ZNF410: variants seen among roughly 807,000 people sequenced by gnomAD.
ZNF410 encodes the protein another partner for ARF 1.
In ZNF410, 18 loss-of-function variants were observed where a neutral mutation model predicts 54.8. The observed-to-expected ratio is 0.33, with a 90% CI of 0.23 to 0.49. The LOEUF (loss-of-function observed/expected upper bound fraction) is 0.49, where lower values mean the gene tolerates loss of function less well. ZNF410 is among the 20% of genes least tolerant of loss of function. The pLI is 0.99. For synonymous variants in ZNF410, 191 were observed against 207.3 expected, an observed-to-expected ratio of 0.92 and a Z score of 0.68; for missense variants, 405 against 569.6, an observed-to-expected ratio of 0.71 and a Z score of 2.94.
intron 8 of ZNF410, chr14:73,916,810 CAAA>C (rs34020079): frequency 2.3e-4 from 34 of 145,838 alleles, no homozygotes; most frequent in South Asian, 2.1e-4. Context: ...CCCGTTTCTA[CAAA>C]AAAAAAAAAA....
At chr14:73,923,321 G>A in intron 10 of ZNF410, 74 bp from the exon 11 acceptor site, 1 of 1,511,910 alleles carries the variant, frequency 6.6e-7, no homozygotes, top group Non-Finnish European at 8.9e-7. Context: ...AGTTGTTAAT[G>A]AGAGGCTTAA....
At chr14:73,909,156 G>A (rs891348512) in intron 7 of ZNF410, among the ~76,000 whole-genome samples, 185 bp from the exon 8 acceptor site, 2 of 152,146 alleles carry the variant, frequency 1.3e-5, no homozygotes, top group Non-Finnish European at 2.9e-5. Context: ...GCTGTCTGGT[G>A]GCATATATAC....
At chr14:73,904,214 C>A (rs960453266) in intron 6 of ZNF410, 104 bp downstream of exon 6, 1 of 1,206,204 alleles carries the variant, frequency 8.3e-7, no homozygotes. Context: ...AAAGTAGGGA[C>A]TCCAGTTAAC....
intron 4 of ZNF410, among the ~76,000 whole-genome samples, chr14:73,897,111 A>G (rs956102964): frequency 3.3e-5 from 5 of 152,068 alleles, no homozygotes; most frequent in African/African-American, 2.4e-5. Context: ...TAAGGCAGAA[A>G]AGATACTAAA....
chr14:73,917,756 G>A (rs752697738), intron 8 of ZNF410, among the ~76,000 whole-genome samples: 2 of 152,156 alleles, frequency 1.3e-5, no homozygotes, highest in South Asian at 2.1e-4. Context: ...CTGGGAGGGG[G>A]AGGTTGCAGT....
At chr14:73,889,939 G>A (rs1335153721) in intron 1 of ZNF410, among the ~76,000 whole-genome samples, 1 of 151,802 alleles carries the variant, frequency 6.6e-6, no homozygotes, top group African/African-American at 2.4e-5. Context: ...TGGGTCTGCA[G>A]GCACATGCCA....
chr14:73,902,006 C>T (rs2055415222), intron 5 of ZNF410, among the ~76,000 whole-genome samples: 1 of 150,272 alleles, frequency 6.7e-6, no homozygotes, highest in Non-Finnish European at 1.5e-5. Flanking sequence ...AATCAATTAG[C>T]TGGAGTTCTG....
chr14:73,899,759 C>T (rs1317959198), intron 5 of ZNF410, among the ~76,000 whole-genome samples: 1 of 152,172 alleles, frequency 6.6e-6, no homozygotes, highest in African/African-American at 2.4e-5. Flanking sequence ...AGGCAGCTTT[C>T]CTGACTGGCT....
intron 11 of ZNF410, chr14:73,927,832 ATT>A (rs11461357): frequency 5.2e-4 from 74 of 143,430 alleles, no homozygotes; most frequent in South Asian, 1.4e-3. Flanking sequence ...TCAACCGGCA[ATT>A]TTTTTTTTTT....
chr14:73,908,369 C>T (rs1056585155), intron 7 of ZNF410, among the ~76,000 whole-genome samples: 2 of 151,902 alleles, frequency 1.3e-5, no homozygotes, highest in Admixed American at 6.6e-5. Context: ...CTTGTTATTA[C>T]TAAAATTTTT....
At chr14:73,919,450 G>A (rs1294303194) in intron 8 of ZNF410, among the ~76,000 whole-genome samples, 1 of 152,008 alleles carries the variant, frequency 6.6e-6, no homozygotes, top group African/African-American at 2.4e-5. Context: ...CCCCGTAGCC[G>A]CTTTTGGAAT....
intron 11 of ZNF410, chr14:73,924,871 G>A (rs986628068): frequency 6.1e-6 from 2 of 329,004 alleles, no homozygotes; most frequent in East Asian, 9.7e-5. Flanking sequence ...TAGAGACAGG[G>A]TTTCACCATG....
At chr14:73,924,380 A>G (rs1475935950) in intron 11 of ZNF410, among the ~76,000 whole-genome samples, 1 of 152,182 alleles carries the variant, frequency 6.6e-6, no homozygotes. Context: ...CTAACAGGGC[A>G]CGGACCAGTG....
intron 1 of ZNF410, among the ~76,000 whole-genome samples, chr14:73,889,554 A>G (rs147580876): frequency 5.4e-4 from 82 of 152,126 alleles, no homozygotes; most frequent in African/African-American, 1.8e-3. Flanking sequence ...ATTCACGCCA[A>G]TGATTTCTGC....
chr14:73,931,447 A>AT, intron 11 of ZNF410, 56 bp from the exon 12 acceptor site: 2 of 1,502,340 alleles, frequency 1.3e-6, no homozygotes, highest in Non-Finnish European at 1.8e-6. Context: ...ACTATGAATT[A>AT]TTTTTTCTAT....
rs2055922267 is a variant in ZNF410 at position 73,931,954 on chromosome 14, AC to A, written c.*415del. 1 of 456,968 alleles carries A rather than the reference AC, an allele frequency of 2.2e-6. No homozygotes were observed. The highest frequency in any genetic ancestry group is 4.4e-6 in the Non-Finnish European group (1 of 227,214). The allele number at this position is 456,968 out of a possible 1,614,324, so 28.3% of individuals were successfully genotyped here. On this transcript the variant is annotated 3_prime_UTR_variant, in exon 12 of 12. Transcript: ENST00000555044. ...TTCCTGCTACCAACAACAGAGCTTC[AC>A]CAGGAAGTTGAGTTTTCAAGATGCC...
chr14:73,922,486 A>C, intron 10 of ZNF410: 1 of 215,158 alleles, frequency 4.6e-6, no homozygotes, highest in Admixed American at 5.4e-5. Context: ...TATCTTTCCT[A>C]TTGCAGTTAT....
intron 5 of ZNF410, among the ~76,000 whole-genome samples, chr14:73,901,218 C>G: frequency 6.6e-6 from 1 of 152,198 alleles, no homozygotes; most frequent in East Asian, 1.9e-4. Context: ...CATAGGCATC[C>G]ACATTACTTA....
chr14:73,902,692 A>G (rs2055426511), intron 5 of ZNF410, among the ~76,000 whole-genome samples: 2 of 152,334 alleles, frequency 1.3e-5, no homozygotes, highest in Non-Finnish European at 2.9e-5. Flanking sequence ...GCATATGCTC[A>G]TGGCAGAATT....
Sources: gnomAD v4.1 joint callset for allele counts (sites outside exome capture counted in the v4.1 genomes callset) on GRCh38, gnomAD v4.1.1 for gene constraint, MANE v1.5 for transcripts, NCBI Gene and HGNC (gene_info 2026-07-23, HGNC 2026-07-21) for gene names.